DSCAML1: variants seen among roughly 807,000 people sequenced by gnomAD.
DSCAML1 encodes DS cell adhesion molecule like 1, also known as cell adhesion molecule DSCAML1.
A neutral mutation model predicts 200.5 loss-of-function variants in DSCAML1; 38 were observed. The observed-to-expected ratio is 0.19, with a 90% CI of 0.15 to 0.25. The LOEUF (loss-of-function observed/expected upper bound fraction) is 0.25, where lower values mean the gene tolerates loss of function less well. Ranked by LOEUF, DSCAML1 falls within the 10% of genes least tolerant of loss-of-function variation. The pLI is 1.00. For missense variants in DSCAML1, 2,223 were observed against 2,858.8 expected (o/e 0.78, Z 5.07); for synonymous variants, 1,215 against 1,165.0 (o/e 1.04, Z -0.87).
At chr11:117,786,595 G>A (rs1236184077) in intron 1 of DSCAML1, among the ~76,000 whole-genome samples, 1 of 152,142 alleles carries the variant, frequency 6.6e-6, no homozygotes, top group Middle Eastern at 3.2e-3. Context: ...TGCCTGTGTG[G>A]GATGGAAGTG....
At chr11:117,714,231 C>T (rs2053906353) in intron 3 of DSCAML1, among the ~76,000 whole-genome samples, 1 of 152,166 alleles carries the variant, frequency 6.6e-6, no homozygotes, top group South Asian at 2.1e-4. Context: ...TGGATGAAAA[C>T]AAGAGACTAT....
chr11:117,449,143 A>G (rs999023235), intron 20 of DSCAML1, among the ~76,000 whole-genome samples: 4 of 152,234 alleles, frequency 2.6e-5, no homozygotes, highest in African/African-American at 9.6e-5. Flanking sequence ...TACACAAAGT[A>G]CAAAAAGAAG....
intron 1 of DSCAML1, among the ~76,000 whole-genome samples, chr11:117,815,588 A>G (rs545762113): frequency 6.6e-6 from 1 of 152,180 alleles, no homozygotes; most frequent in Non-Finnish European, 1.5e-5. Flanking sequence ...TGAAAAGGGA[A>G]CCAAGTTTAG....
rs575610626 is a variant in DSCAML1, at chr11:117,766,726, C to T, written c.511+10065G>A. Among the ~76,000 whole-genome samples the T allele has an allele frequency of 3.9e-5, 6 of 152,282 alleles. No homozygotes were observed. In the South Asian group the frequency reaches 1.2e-3, roughly 32 times the overall value. On this transcript the variant is annotated intron_variant, in intron 3 of 32. Coordinates refer to ENST00000651296, the MANE Select transcript of DSCAML1 (RefSeq NM_020693.4). ...GGGTGCTCTGGAAATGCAGCGCCTG[C>T]CATGAACTAAATGGAAAAGCAAAAC... is the stretch of plus-strand genomic sequence containing the variant.
intron 20 of DSCAML1, among the ~76,000 whole-genome samples, chr11:117,447,629 A>G (rs1035711268): frequency 3.9e-5 from 6 of 152,200 alleles, no homozygotes; most frequent in Non-Finnish European, 7.3e-5. Context: ...TAAAATGTCT[A>G]CCAGGATTCA....
intron 3 of DSCAML1, among the ~76,000 whole-genome samples, chr11:117,757,166 A>T (rs541330669): frequency 7.1e-4 from 108 of 152,334 alleles, no homozygotes; most frequent in African/African-American, 2.5e-3. Context: ...AAAAAGAAAA[A>T]GTAGTAGCTA....
chr11:117,538,341 A>G (rs571966286), intron 3 of DSCAML1, among the ~76,000 whole-genome samples: 1 of 152,332 alleles, frequency 6.6e-6, no homozygotes, highest in African/African-American at 2.4e-5. Flanking sequence ...GGGAGGATTA[A>G]ATTAAATACT....
intron 3 of DSCAML1, among the ~76,000 whole-genome samples, chr11:117,664,725 G>A (rs926153152): frequency 2.6e-5 from 4 of 152,140 alleles, no homozygotes; most frequent in African/African-American, 9.7e-5. Context: ...TTTCCTGATG[G>A]CCTGGTTTAC....
rs371208188 is a variant in DSCAML1, at chr11:117,680,585, G to A, written c.511+96206C>T. Among the ~76,000 whole-genome samples, 390 of 152,332 alleles carry A rather than the reference G, an allele frequency of 2.6e-3. 2 individuals carry two copies. The highest frequency in any genetic ancestry group is 9.0e-3 in the African/African-American group (376 of 41,576). On this transcript the variant is annotated intron_variant, in intron 3 of 32. Coordinates refer to ENST00000651296, the MANE Select transcript of DSCAML1 (RefSeq NM_020693.4). ...TGACTCAGGCTGGGGTCCATGATAA[G>A]GCAGCCAGCAGAGCAGCCTTCCCAT...
chr11:117,600,133 G>A (rs2051437225), intron 3 of DSCAML1, among the ~76,000 whole-genome samples: 1 of 152,178 alleles, frequency 6.6e-6, no homozygotes, highest in African/African-American at 2.4e-5. Flanking sequence ...ATGTAGAAAA[G>A]CTTCCGAAAT....
intron 11 of DSCAML1, among the ~76,000 whole-genome samples, chr11:117,493,339 A>G (rs577756546): frequency 2.8e-5 from 4 of 143,660 alleles, no homozygotes; most frequent in Non-Finnish European, 4.5e-5. Context: ...TTTTTTTGAG[A>G]CAGAGTCTCG....
rs538405613 is a variant in DSCAML1, at chr11:117,651,811, T to C, written c.512-119289A>G. 5.3e-5 allele frequency among the ~76,000 whole-genome samples: 8 copies of C among 152,014 alleles called. No individual in the cohort carries two copies. In the East Asian group the frequency reaches 1.5e-3, roughly 29 times the overall value. On this transcript the variant is annotated intron_variant, in intron 3 of 32. Coordinates refer to ENST00000651296, the MANE Select transcript of DSCAML1 (RefSeq NM_020693.4). ...ACTTTCTTGACATTATCTGGTTTTA[T>C]AGTCACTGCAGCCCTTCAAGACAGA...
intron 8 of DSCAML1, among the ~76,000 whole-genome samples, chr11:117,513,572 C>G (rs527884702): frequency 6.6e-6 from 1 of 152,060 alleles, no homozygotes; most frequent in South Asian, 2.1e-4. Flanking sequence ...GAAATCCCAT[C>G]TCTACTAAAA....
At position 117,646,854 on chromosome 11, in the gene DSCAML1, G is replaced by GA. The variant is rs141311321; in HGVS notation, c.512-114333dup. Reference sequence around the variant, plus strand: ...AAAGAGGTCTCCTAGAGAGAGAGAGGAAAAAAAAAAAAACAAATCCAGAAA... The same window carrying GA: ...AAAGAGGTCTCCTAGAGAGAGAGAGGAAAAAAAAAAAAAACAAATCCAGAAA... On this transcript the variant is annotated intron_variant, in intron 3 of 32. Coordinates refer to ENST00000651296, the MANE Select transcript of DSCAML1 (RefSeq NM_020693.4). Among the ~76,000 whole-genome samples, 886 of 110,760 alleles carry GA rather than the reference G, an allele frequency of 8.0e-3. 6 individuals carry two copies. The highest frequency in any genetic ancestry group is 0.022 in the African/African-American group (764 of 34,506). The allele number at this position is 110,760 out of a possible 152,430, so 72.7% of individuals were successfully genotyped here. A position where few individuals can be genotyped will look rare whatever the true frequency, so the allele number is the denominator to read the frequency against.
intron 3 of DSCAML1, among the ~76,000 whole-genome samples, chr11:117,656,035 T>A (rs1209279404): frequency 1.3e-5 from 2 of 152,206 alleles, no homozygotes; most frequent in Non-Finnish European, 2.9e-5. Context: ...AGGTCAGGAA[T>A]TCAAGACTAG....
chr11:117,442,704 G>A (rs769210741), intron 21 of DSCAML1, among the ~76,000 whole-genome samples: 2 of 152,206 alleles, frequency 1.3e-5, no homozygotes, highest in Non-Finnish European at 2.9e-5. Context: ...TCCTGCCTCT[G>A]GGCCAGTGCT....
rs184917213 is a variant in DSCAML1, at chr11:117,484,136, T to C, written c.2360-1974A>G. On this transcript the variant is annotated intron_variant, in intron 11 of 32. Transcript: ENST00000651296. ...GTATTCTCAGGGTTTTTCTCTCTCC[T>C]AGTTTTAAAGGCCTGCTCAGGCAAA... Among the ~76,000 whole-genome samples, 1,142 of 151,012 alleles carry C rather than the reference T, an allele frequency of 7.6e-3. 5 individuals carry two copies. Among genetic ancestry groups the C allele is most frequent in the Non-Finnish European group, 0.012 (818 of 67,800 alleles).
At chr11:117,751,769 G>A (rs1236641817) in intron 3 of DSCAML1, among the ~76,000 whole-genome samples, 1 of 152,122 alleles carries the variant, frequency 6.6e-6, no homozygotes, top group Admixed American at 6.5e-5. Context: ...TCAAGGTCAA[G>A]GCAACAGGAG....
upstream of DSCAML1, chr11:117,801,538 T>C (rs1030995496): frequency 9.2e-5 from 14 of 152,244 alleles, no homozygotes; most frequent in African/African-American, 3.4e-4. Flanking sequence ...TACCATCTTC[T>C]TGAGATGAGA....
Sources: gnomAD v4.1 joint callset for allele counts (sites outside exome capture counted in the v4.1 genomes callset) on GRCh38, gnomAD v4.1.1 for gene constraint, MANE v1.5 for transcripts, NCBI Gene and HGNC (gene_info 2026-07-23, HGNC 2026-07-21) for gene names.